Variants in KCNB2 observed in about 807,000 individuals in gnomAD.
The protein encoded by KCNB2 is delayed rectifier potassium channel protein.
Under a neutral mutation model 61.5 loss-of-function variants are expected in KCNB2, and 15 were observed. The ratio of observed to expected loss-of-function variants is 0.24; its 90% CI spans 0.16 to 0.38. The LOEUF is 0.38. KCNB2 is among the 10% of genes least tolerant of loss of function. KCNB2 has a pLI of 1.00. For synonymous variants in KCNB2, 457 were observed against 446.0 expected, an observed-to-expected ratio of 1.02 and a Z score of -0.31; for missense variants, 828 against 1,125.2, an observed-to-expected ratio of 0.74 and a Z score of 3.78.
At chr8:72,800,528 A>G (rs1809107872) in intron 2 of KCNB2, among the ~76,000 whole-genome samples, 1 of 152,136 alleles carries the variant, frequency 6.6e-6, no homozygotes, top group African/African-American at 2.4e-5. Flanking sequence ...AGAATCCCCA[A>G]TGAGGCCAAT....
At chr8:72,858,207 C>T (rs186644509) in intron 2 of KCNB2, among the ~76,000 whole-genome samples, 101 of 152,116 alleles carry the variant, frequency 6.6e-4, no homozygotes, top group Non-Finnish European at 1.2e-3. Context: ...CATAAAAATC[C>T]ACATTTATTA....
At chr8:72,911,461 C>T (rs1042962372) in intron 2 of KCNB2, among the ~76,000 whole-genome samples, 1 of 152,228 alleles carries the variant, frequency 6.6e-6, no homozygotes, top group Non-Finnish European at 1.5e-5. Flanking sequence ...AAGCCTTTCA[C>T]CTGGAAATAG....
rs140922792 is a variant in KCNB2, at chr8:72,599,067, T to G, written c.579+30754T>G. 9.6e-4 allele frequency among the ~76,000 whole-genome samples: 146 copies of G among 152,290 alleles called. 1 individual carries two copies. The highest frequency in any genetic ancestry group is 3.4e-3 in the African/African-American group (142 of 41,570). On this transcript the variant is annotated intron_variant, in intron 2 of 2. Transcript: ENST00000523207. The stretch of plus-strand genomic sequence containing the variant: ...AATGCCGTCCCCATCAAACTACCAA[T>G]GACTTTCTTCACAGAATTAGAAAAA...
intron 2 of KCNB2, among the ~76,000 whole-genome samples, chr8:72,774,436 C>T (rs1029828477): frequency 1.3e-5 from 2 of 152,090 alleles, no homozygotes; most frequent in African/African-American, 2.4e-5. Context: ...CTGCAAACTC[C>T]GCCTCCCAGG....
intron 2 of KCNB2, among the ~76,000 whole-genome samples, chr8:72,580,215 G>A (rs887917596): frequency 6.6e-5 from 10 of 152,320 alleles, no homozygotes; most frequent in African/African-American, 2.4e-4. Flanking sequence ...AAGCTTGACA[G>A]CAGGTGAATT....
intron 2 of KCNB2, among the ~76,000 whole-genome samples, chr8:72,934,502 T>G (rs1439473827): frequency 7.2e-6 from 1 of 138,160 alleles, no homozygotes; most frequent in African/African-American, 2.8e-5. Flanking sequence ...AAGAAGAAAA[T>G]GCAGGGAGGA....
At chr8:72,815,455 CTGTT>C (rs1030398681) in intron 2 of KCNB2, among the ~76,000 whole-genome samples, 40 of 152,300 alleles carry the variant, frequency 2.6e-4, no homozygotes, top group African/African-American at 7.9e-4. Flanking sequence ...TTACAACTGA[CTGTT>C]TGTCTTCATT....
rs541165287 is a variant in KCNB2 at position 72,638,550 on chromosome 8, A to G, written c.579+70237A>G. ...TTCTAATTAGCATTTCTACTTGTAT[A>G]GTTTTCTTGTATAAGACAAACATAT... On this transcript the variant is annotated intron_variant, in intron 2 of 2. Coordinates refer to ENST00000523207, the MANE Select transcript of KCNB2 (RefSeq NM_004770.3). 5.0e-4 allele frequency among the ~76,000 whole-genome samples: 76 copies of G among 152,266 alleles called. 1 individual carries two copies. The highest frequency in any genetic ancestry group is 1.6e-3 in the African/African-American group (65 of 41,566).
At chr8:72,830,600 A>G (rs959673969) in intron 2 of KCNB2, among the ~76,000 whole-genome samples, 1 of 152,176 alleles carries the variant, frequency 6.6e-6, no homozygotes, top group Non-Finnish European at 1.5e-5. Flanking sequence ...GTAACATTCC[A>G]TTTTAATATC....
intron 2 of KCNB2, among the ~76,000 whole-genome samples, chr8:72,850,799 C>T (rs1810088464): frequency 6.6e-6 from 1 of 152,182 alleles, no homozygotes; most frequent in South Asian, 2.1e-4. Flanking sequence ...TTATTCTAAC[C>T]TCTTGCCATT....
chr8:72,620,264 T>G (rs1805695100), intron 2 of KCNB2, among the ~76,000 whole-genome samples: 1 of 152,232 alleles, frequency 6.6e-6, no homozygotes. Context: ...ACAGGCAGTT[T>G]AGATGTTCTG....
intron 2 of KCNB2, among the ~76,000 whole-genome samples, chr8:72,612,534 A>G (rs1480499912): frequency 2.0e-5 from 3 of 152,286 alleles, no homozygotes; most frequent in Admixed American, 1.3e-4. Context: ...AGCAAATTAC[A>G]TCATGGAAGA....
chr8:72,724,311 C>A (rs1488032411), intron 2 of KCNB2, among the ~76,000 whole-genome samples: 1 of 152,290 alleles, frequency 6.6e-6, no homozygotes, highest in South Asian at 2.1e-4. Flanking sequence ...GCCAGTTGTA[C>A]AGCTATTCCT....
At chr8:72,891,776 G>A (rs2129005897) in intron 2 of KCNB2, among the ~76,000 whole-genome samples, 1 of 152,204 alleles carries the variant, frequency 6.6e-6, no homozygotes, top group African/African-American at 2.4e-5. Context: ...TAATCTAAAG[G>A]GATGCTTTGG....
At position 72,549,193 on chromosome 8, in the gene KCNB2, T is replaced by C. The variant is rs190043871; in HGVS notation, c.-94+11308T>C. On this transcript the variant is annotated intron_variant, in intron 1 of 2. Transcript: ENST00000523207. Reference sequence around the variant, plus strand: ...ACAGTTGTGCCAGGGCATGGCAGGGTCCAGGCATTTCGTCTTCTATATCCC... The same window carrying C: ...ACAGTTGTGCCAGGGCATGGCAGGGCCCAGGCATTTCGTCTTCTATATCCC... Among the ~76,000 whole-genome samples the C allele has an allele frequency of 4.9e-4, 75 of 152,232 alleles. No homozygotes were observed. The East Asian group carries it at 9.3e-3, about 19-fold the overall frequency.
intron 2 of KCNB2, chr8:72,751,731 T>A (rs1011135764): frequency 2.0e-5 from 3 of 152,198 alleles, no homozygotes; most frequent in African/African-American, 7.2e-5. Flanking sequence ...ATTAAATGAA[T>A]ACCCATGTGA....
At chr8:72,897,278 A>G (rs1035260304) in intron 2 of KCNB2, among the ~76,000 whole-genome samples, 1 of 150,696 alleles carries the variant, frequency 6.6e-6, no homozygotes, top group Non-Finnish European at 1.5e-5. Flanking sequence ...TGAAAATAAA[A>G]AAATTATCTA....
At chr8:72,767,245 T>C (rs1808474742) in intron 2 of KCNB2, among the ~76,000 whole-genome samples, 1 of 152,214 alleles carries the variant, frequency 6.6e-6, no homozygotes, top group Admixed American at 6.5e-5. Context: ...TTTCTTTCTT[T>C]TTTTAATATC....
chr8:72,607,285 A>G (rs1221666154), intron 2 of KCNB2, among the ~76,000 whole-genome samples: 1 of 152,172 alleles, frequency 6.6e-6, no homozygotes, highest in South Asian at 2.1e-4. Context: ...GGAGAGGCAC[A>G]TGAGAAGCAG....
Sources: allele counts gnomAD v4.1 joint callset (sites outside exome capture counted in the v4.1 genomes callset), GRCh38; gene constraint gnomAD v4.1.1; transcripts MANE v1.5; gene names NCBI Gene and HGNC (gene_info 2026-07-23, HGNC 2026-07-21).